The following TOPAZ1 variants were observed in gnomAD, a reference collection of about 807,000 sequenced individuals.
The protein encoded by TOPAZ1 is testis and ovary specific TOPAZ 1, also known as protein TOPAZ1.
A neutral mutation model predicts 172.2 loss-of-function variants in TOPAZ1; 66 were observed. That is an observed-to-expected ratio of 0.38 (90% CI 0.31 to 0.47). TOPAZ1 has a LOEUF of 0.47. Among genes scored for constraint, TOPAZ1 ranks in the 20% least tolerant of loss-of-function variants. The probability of loss-of-function intolerance (pLI) is 0.99; values close to 1 mark genes in which losing one functional copy is unlikely to be tolerated. For missense variants in TOPAZ1, 1,822 were observed against 1,972.4 expected, an observed-to-expected ratio of 0.92 and a Z score of 1.44; for synonymous variants, 681 against 683.9, an observed-to-expected ratio of 1.00 and a Z score of 0.07.
At chr3:44,246,845 A>G (rs1478471893) in intron 2 of TOPAZ1, among the ~76,000 whole-genome samples, 1 of 152,220 alleles carries the variant, frequency 6.6e-6, no homozygotes. Flanking sequence ...TAAATAATGA[A>G]TAGAAAAGGT....
At chr3:44,269,420 A>G in intron 7 of TOPAZ1, 119 bp downstream of exon 7, 1 of 578,008 alleles carries the variant, frequency 1.7e-6, no homozygotes, top group East Asian at 2.8e-5. Flanking sequence ...CCTTAAAAAA[A>G]TAATTTTATA....
At position 44,266,997 on chromosome 3, in the gene TOPAZ1, C is replaced by G; in HGVS notation, c.3021C>G (p.Ser1007Arg). 1 of 1,534,346 alleles carries G rather than the reference C, an allele frequency of 6.5e-7. No homozygotes were observed. Among genetic ancestry groups the G allele is most frequent in the African/African-American group, 1.4e-5 (1 of 72,516 alleles). Residue 1007 changes from serine (S) to arginine (R), a missense_variant and splice_region_variant, in exon 6 of 20, where the codon AGC becomes AGG. Physicochemically the swap from Ser to Arg is moderately radical, Grantham distance 110. Transcript: ENST00000309765. ...EKENIYEVCK[S>R]KDSRNADFMV... Reference sequence around the variant, plus strand: ...GATGTTAATTTTTCCTTTCACACAGCAAAGATTCTAGAAATGCAGACTTTA... The same window carrying G: ...GATGTTAATTTTTCCTTTCACACAGGAAAGATTCTAGAAATGCAGACTTTA...
chr3:44,276,444 T>C (rs1699958537), intron 8 of TOPAZ1, among the ~76,000 whole-genome samples: 1 of 152,026 alleles, frequency 6.6e-6, no homozygotes, highest in South Asian at 2.1e-4. Context: ...TTCCTTAATG[T>C]ATGTTCTTGG....
At chr3:44,315,680 T>A (rs1325625334) in intron 16 of TOPAZ1, among the ~76,000 whole-genome samples, 1 of 151,992 alleles carries the variant, frequency 6.6e-6, no homozygotes, top group Non-Finnish European at 1.5e-5. Context: ...CATCTTCATT[T>A]TCAATCAGTG....
chr3:44,332,558 T>G (rs946863169), downstream of TOPAZ1, among the ~76,000 whole-genome samples: 3 of 152,146 alleles, frequency 2.0e-5, no homozygotes, highest in Non-Finnish European at 4.4e-5. Flanking sequence ...TTTGAAAATC[T>G]ATGTGCATTA....
At position 44,278,809 on chromosome 3, in the gene TOPAZ1, CT is replaced by C. The variant is rs79905508; in HGVS notation, c.3373-3147del. Among the ~76,000 whole-genome samples the C allele has an allele frequency of 7.6e-3, 1,047 of 137,912 alleles. 10 individuals are homozygous for C. The highest frequency in any genetic ancestry group is 9.8e-3 in the Non-Finnish European group (619 of 63,314). 90.5% of individuals were successfully genotyped at this position (137,912 alleles called of 152,430 possible). On this transcript the variant is annotated intron_variant, in intron 8 of 19. Coordinates refer to ENST00000309765, the MANE Select transcript of TOPAZ1 (RefSeq NM_001145030.2). ...CCAACTTTTCATTGTGTTGATCCTC[CT>C]TTTTTTTTTTTGTCTCTATTTTTTT...
chr3:44,335,650 T>G (rs912400811), downstream of TOPAZ1, among the ~76,000 whole-genome samples: 3 of 152,096 alleles, frequency 2.0e-5, no homozygotes, highest in African/African-American at 4.8e-5. Context: ...TATAGGGCAC[T>G]TAGAGGGCCC....
chr3:44,336,658 G>C (rs530422249), downstream of TOPAZ1, among the ~76,000 whole-genome samples: 3 of 152,296 alleles, frequency 2.0e-5, no homozygotes, highest in African/African-American at 7.2e-5. Flanking sequence ...TTGTCAGGTA[G>C]GTTGGTGAGA....
At chr3:44,285,478 A>G (rs1322326911) in intron 9 of TOPAZ1, among the ~76,000 whole-genome samples, 2 of 152,104 alleles carry the variant, frequency 1.3e-5, no homozygotes, top group Admixed American at 1.3e-4. Context: ...AAAATAAATA[A>G]ATAAAATAAA....
chr3:44,247,214 A>AT (rs1699576956), intron 2 of TOPAZ1, among the ~76,000 whole-genome samples: 1 of 152,186 alleles, frequency 6.6e-6, no homozygotes, highest in Non-Finnish European at 1.5e-5. Context: ...GGATCATGCC[A>AT]TTTTTTAGTA....
At chr3:44,293,788 G>C (rs760199634) in intron 12 of TOPAZ1, among the ~76,000 whole-genome samples, 2 of 152,172 alleles carry the variant, frequency 1.3e-5, no homozygotes, top group Non-Finnish European at 2.9e-5. Context: ...GTTGCCTACA[G>C]TATTCAGTAC....
chr3:44,251,524 C>A (rs1380597552), intron 2 of TOPAZ1, among the ~76,000 whole-genome samples: 1 of 152,186 alleles, frequency 6.6e-6, no homozygotes, highest in African/African-American at 2.4e-5. Flanking sequence ...CAATAAAGAT[C>A]TGTTTTATAT....
At chr3:44,247,522 A>G (rs1399864195) in intron 2 of TOPAZ1, among the ~76,000 whole-genome samples, 1 of 152,194 alleles carries the variant, frequency 6.6e-6, no homozygotes, top group Admixed American at 6.5e-5. Context: ...AGTTTATTTT[A>G]TATTACTAAG....
intron 17 of TOPAZ1, among the ~76,000 whole-genome samples, chr3:44,322,726 A>G (rs960290518): frequency 6.6e-6 from 1 of 152,130 alleles, no homozygotes; most frequent in African/African-American, 2.4e-5. Flanking sequence ...ATTCGAAACT[A>G]GTCTGGGCAA....
chr3:44,250,243 CAAA>C (rs35079686), intron 2 of TOPAZ1, among the ~76,000 whole-genome samples: 3 of 110,792 alleles, frequency 2.7e-5, no homozygotes, highest in Non-Finnish European at 3.6e-5. Context: ...CATGAAATGA[CAAA>C]AAAAAAAAAA....
chr3:44,318,769 T>C (rs879532786), intron 16 of TOPAZ1, among the ~76,000 whole-genome samples: 2 of 147,668 alleles, frequency 1.4e-5, no homozygotes, highest in South Asian at 4.2e-4. Context: ...AAAAAAAAAA[T>C]ATATATATGT....
intron 8 of TOPAZ1, among the ~76,000 whole-genome samples, chr3:44,278,566 A>G (rs1699988930): frequency 6.6e-6 from 1 of 152,136 alleles, no homozygotes; most frequent in Non-Finnish European, 1.5e-5. Context: ...ATTCAATCTC[A>G]GTAGGCTGTA....
intron 12 of TOPAZ1, among the ~76,000 whole-genome samples, chr3:44,303,777 T>C (rs1265959433): frequency 6.6e-6 from 1 of 152,176 alleles, no homozygotes; most frequent in Non-Finnish European, 1.5e-5. Context: ...CAAGTTAGGC[T>C]GAAGGTATGA....
intron 12 of TOPAZ1, among the ~76,000 whole-genome samples, chr3:44,300,148 GA>G (rs1391266507): frequency 6.7e-6 from 1 of 149,732 alleles, no homozygotes; most frequent in Non-Finnish European, 1.5e-5. Context: ...AAAAGAAAAT[GA>G]GAGCTGGGTG....
Sources: gnomAD v4.1 joint callset for allele counts (sites outside exome capture counted in the v4.1 genomes callset) on GRCh38, gnomAD v4.1.1 for gene constraint, MANE v1.5 for transcripts, NCBI Gene and HGNC (gene_info 2026-07-23, HGNC 2026-07-21) for gene names.